CADPS2: variants seen among roughly 807,000 people sequenced by gnomAD.
The protein encoded by CADPS2 is calcium dependent secretion activator 2, also known as calcium-dependent secretion activator 2.
Under a neutral mutation model 172.5 loss-of-function variants are expected in CADPS2, and 93 were observed. The ratio of observed to expected loss-of-function variants is 0.54; its 90% CI spans 0.46 to 0.64. The LOEUF is 0.64. Ranked by LOEUF, CADPS2 falls within the 30% of genes least tolerant of loss-of-function variation. The pLI is 0.00. For synonymous variants in CADPS2, 546 were observed against 555.2 expected, an observed-to-expected ratio of 0.98 and a Z score of 0.23; for missense variants, 1,420 against 1,565.9, an observed-to-expected ratio of 0.91 and a Z score of 1.57.
chr7:122,406,934 A>G (rs896075131), intron 20 of CADPS2, among the ~76,000 whole-genome samples: 3 of 152,194 alleles, frequency 2.0e-5, no homozygotes, highest in Non-Finnish European at 2.9e-5. Flanking sequence ...TTGATAAAAA[A>G]CAGTTTGTTT....
intron 15 of CADPS2, among the ~76,000 whole-genome samples, chr7:122,443,086 T>C (rs547628484): frequency 1.3e-5 from 2 of 152,328 alleles, no homozygotes; most frequent in African/African-American, 4.8e-5. Context: ...AATCCATCCA[T>C]TGTCTTCCCT....
intron 2 of CADPS2, among the ~76,000 whole-genome samples, chr7:122,720,781 C>T (rs1354502855): frequency 2.0e-5 from 3 of 151,846 alleles, no homozygotes; most frequent in Non-Finnish European, 4.4e-5. Flanking sequence ...ATTACTGCCA[C>T]ACATAGAAAC....
chr7:122,454,481 T>C (rs1052244737), intron 14 of CADPS2, among the ~76,000 whole-genome samples: 6 of 152,146 alleles, frequency 3.9e-5, no homozygotes, highest in Non-Finnish European at 8.8e-5. Flanking sequence ...AATGAAACCA[T>C]GAAAGTTATA....
rs557950672 is a variant in CADPS2, at chr7:122,688,497, T to C, written c.454-24928A>G. Among the ~76,000 whole-genome samples the C allele has an allele frequency of 3.9e-5, 6 of 152,226 alleles. No individual in the cohort carries two copies. In the East Asian group the frequency reaches 7.7e-4, roughly 20 times the overall value. ...AGCTGAAAGAAAACTCAGGGAGACA[T>C]AGGTAGATGAAATATGGCTTTATTC... On this transcript the variant is annotated intron_variant, in intron 2 of 29. Coordinates refer to ENST00000449022, the MANE Select transcript of CADPS2 (RefSeq NM_017954.11).
intron 12 of CADPS2, chr7:122,480,250 A>G (rs2057130586): frequency 3.1e-6 from 1 of 318,754 alleles, no homozygotes; most frequent in Admixed American, 3.8e-5. Flanking sequence ...ACATATTAGT[A>G]ATGTCCCAAA....
chr7:122,750,734 T>A (rs1433083313), intron 1 of CADPS2, among the ~76,000 whole-genome samples: 1 of 152,106 alleles, frequency 6.6e-6, no homozygotes, highest in Admixed American at 6.6e-5. Flanking sequence ...TACAATCCCC[T>A]GAAGAGCTTT....
At chr7:122,722,827 C>G (rs554515967) in intron 2 of CADPS2, among the ~76,000 whole-genome samples, 25 of 151,790 alleles carry the variant, frequency 1.6e-4, no homozygotes, top group African/African-American at 6.0e-4. Flanking sequence ...GGTACCAAAA[C>G]AGAGATATAG....
intron 25 of CADPS2, among the ~76,000 whole-genome samples, chr7:122,373,020 T>C (rs752223079): frequency 6.6e-6 from 1 of 152,248 alleles, no homozygotes; most frequent in Admixed American, 6.5e-5. Context: ...TTATGCAAAC[T>C]ACTTTATTCT....
intron 17 of CADPS2, among the ~76,000 whole-genome samples, chr7:122,438,016 T>C (rs1019078538): frequency 9.2e-5 from 14 of 152,128 alleles, no homozygotes; most frequent in African/African-American, 2.7e-4. Flanking sequence ...TTGCTGCCTA[T>C]AGTTTAAATG....
At chr7:122,645,545 T>C (rs1232819898) in intron 3 of CADPS2, among the ~76,000 whole-genome samples, 3 of 127,390 alleles carry the variant, frequency 2.4e-5, no homozygotes, top group African/African-American at 1.0e-4. Context: ...TATATACTTA[T>C]ATATATACTT....
intron 2 of CADPS2, among the ~76,000 whole-genome samples, chr7:122,663,823 T>C (rs1181261459): frequency 1.3e-5 from 2 of 152,186 alleles, no homozygotes; most frequent in Non-Finnish European, 2.9e-5. Context: ...TACTTTGACC[T>C]GTATGTCTCC....
At chr7:122,541,716 CAT>C (rs2131611480) in intron 8 of CADPS2, among the ~76,000 whole-genome samples, 1 of 142,986 alleles carries the variant, frequency 7.0e-6, no homozygotes, top group African/African-American at 2.5e-5. Context: ...CATATATTTA[CAT>C]ATATTCATAT....
intron 1 of CADPS2, among the ~76,000 whole-genome samples, chr7:122,826,896 T>C (rs1289128877): frequency 6.6e-6 from 1 of 151,352 alleles, no homozygotes; most frequent in Non-Finnish European, 1.5e-5. Context: ...AAAGAATAAA[T>C]TCAAAGCAAG....
At chr7:122,765,341 T>C (rs1225093805) in intron 1 of CADPS2, among the ~76,000 whole-genome samples, 2 of 152,128 alleles carry the variant, frequency 1.3e-5, no homozygotes, top group South Asian at 2.1e-4. Flanking sequence ...TTTTTAAAAA[T>C]GATAAATTAA....
chr7:122,817,246 C>T (rs1227324334), intron 1 of CADPS2, among the ~76,000 whole-genome samples: 2 of 152,190 alleles, frequency 1.3e-5, no homozygotes, highest in Non-Finnish European at 2.9e-5. Context: ...CTGTTCTTTG[C>T]TCCATGAGAA....
intron 8 of CADPS2, among the ~76,000 whole-genome samples, chr7:122,527,617 A>AGTGTGTGTGTGTGTGTGT (rs59653845): frequency 4.8e-5 from 4 of 83,804 alleles, no homozygotes; most frequent in Non-Finnish European, 1.0e-4. Flanking sequence ...AGAGAGAGAG[A>AGTGTGTGTGTGTGTGTGT]GTGTGTGTGT....
intron 3 of CADPS2, among the ~76,000 whole-genome samples, chr7:122,645,658 G>GATATATATATAT (rs71161314): frequency 0.012 from 1,294 of 106,488 alleles, 14 homozygotes; most frequent in Non-Finnish European, 0.017. Context: ...ATATCTCTAA[G>GATATATATATAT]ATATATATAT....
chr7:122,853,263 C>T (rs1418588818), intron 1 of CADPS2, among the ~76,000 whole-genome samples: 2 of 152,216 alleles, frequency 1.3e-5, no homozygotes, highest in East Asian at 3.9e-4. Context: ...CCCCCTGCCT[C>T]CTCTACTCCA....
At chr7:122,367,063 G>A (rs559577972) in intron 25 of CADPS2, among the ~76,000 whole-genome samples, 4 of 152,046 alleles carry the variant, frequency 2.6e-5, no homozygotes, top group South Asian at 4.2e-4. Flanking sequence ...TCCTAATATC[G>A]TATGCTATTC....
Sources: gnomAD v4.1 joint callset for allele counts (sites outside exome capture counted in the v4.1 genomes callset) on GRCh38, gnomAD v4.1.1 for gene constraint, MANE v1.5 for transcripts, NCBI Gene and HGNC (gene_info 2026-07-23, HGNC 2026-07-21) for gene names.